Variants in MARCHF1 observed in about 807,000 individuals in gnomAD.
MARCHF1 encodes membrane associated ring-CH-type finger 1.
In MARCHF1, 40 loss-of-function variants were observed where a neutral mutation model predicts 54.2. The observed-to-expected ratio is 0.74, with a 90% CI of 0.57 to 0.96. The LOEUF (loss-of-function observed/expected upper bound fraction) is 0.96. Among genes scored for constraint, MARCHF1 ranks in the 40% least tolerant of loss-of-function variants. MARCHF1 has a pLI of 0.00. For synonymous variants in MARCHF1, 236 were observed against 236.3 expected (o/e 1.00, Z 0.01); for missense variants, 586 against 656.5 (o/e 0.89, Z 1.17).
At chr4:164,269,876 T>C (rs1447356756) in intron 1 of MARCHF1, among the ~76,000 whole-genome samples, 1 of 152,160 alleles carries the variant, frequency 6.6e-6, no homozygotes, top group Admixed American at 6.6e-5. Context: ...TAGCGTTATT[T>C]GTTTGTTCTT....
rs192502095 is a variant in MARCHF1, at chr4:164,330,829, G to A, written c.-323+53041C>T. 4.6e-5 allele frequency among the ~76,000 whole-genome samples: 7 copies of A among 152,268 alleles called. No individual in the cohort carries two copies. The East Asian group carries it at 1.4e-3, about 29-fold the overall frequency. The stretch of plus-strand genomic sequence containing the variant: ...ATTTTACCACATTTTTTGAAACGAA[G>A]CTGTTAACCATTCATGCTACACCTA... On this transcript the variant is annotated intron_variant, in intron 1 of 9. Coordinates refer to ENST00000514618, the MANE Select transcript of MARCHF1 (RefSeq NM_001394959.1).
chr4:164,364,570 C>G (rs1730826330), intron 1 of MARCHF1, among the ~76,000 whole-genome samples: 2 of 151,978 alleles, frequency 1.3e-5, no homozygotes, highest in South Asian at 4.1e-4. Flanking sequence ...TTTGCCACCC[C>G]TTGTTCTGAT....
intron 3 of MARCHF1, among the ~76,000 whole-genome samples, chr4:163,947,049 C>T (rs1752039359): frequency 6.6e-6 from 1 of 151,822 alleles, no homozygotes; most frequent in African/African-American, 2.4e-5. Context: ...GCATATTCAG[C>T]AAATAATGAA....
chr4:164,318,774 C>T (rs750686265), intron 1 of MARCHF1, among the ~76,000 whole-genome samples: 1 of 152,058 alleles, frequency 6.6e-6, no homozygotes, highest in East Asian at 1.9e-4. Flanking sequence ...CAACCCTGAC[C>T]TGGATTATGA....
intron 1 of MARCHF1, among the ~76,000 whole-genome samples, chr4:164,382,147 C>T (rs1731388478): frequency 1.3e-5 from 2 of 152,176 alleles, no homozygotes; most frequent in African/African-American, 2.4e-5. Flanking sequence ...TAAAGCCTCC[C>T]TGTATTATCT....
intron 1 of MARCHF1, among the ~76,000 whole-genome samples, chr4:164,244,270 G>A (rs1476450611): frequency 6.6e-6 from 1 of 151,978 alleles, no homozygotes; most frequent in Non-Finnish European, 1.5e-5. Flanking sequence ...TCAGACCACA[G>A]TGCAATCAAA....
chr4:163,983,134 A>G (rs1322999286), intron 3 of MARCHF1, among the ~76,000 whole-genome samples: 1 of 152,218 alleles, frequency 6.6e-6, no homozygotes, highest in Non-Finnish European at 1.5e-5. Context: ...CCTGCCTGAG[A>G]CAAATATGCA....
chr4:164,275,318 C>T (rs369396792), intron 1 of MARCHF1, among the ~76,000 whole-genome samples: 5 of 152,294 alleles, frequency 3.3e-5, no homozygotes, highest in East Asian at 1.9e-4. Flanking sequence ...TGCTGCTACA[C>T]AGACTACTAC....
chr4:163,654,164 A>G (rs1404598795), intron 5 of MARCHF1, among the ~76,000 whole-genome samples: 1 of 151,714 alleles, frequency 6.6e-6, no homozygotes, highest in Admixed American at 6.6e-5. Flanking sequence ...ATAAACACTA[A>G]TAACTATTTG....
At chr4:164,248,895 T>A (rs917764818) in intron 1 of MARCHF1, among the ~76,000 whole-genome samples, 1 of 147,720 alleles carries the variant, frequency 6.8e-6, no homozygotes, top group Non-Finnish European at 1.5e-5. Flanking sequence ...AATTTCATAA[T>A]TCATTCACAT....
At chr4:163,769,313 G>A (rs1051883363) in intron 4 of MARCHF1, among the ~76,000 whole-genome samples, 1 of 152,110 alleles carries the variant, frequency 6.6e-6, no homozygotes, top group Non-Finnish European at 1.5e-5. Context: ...CAATCACTTA[G>A]CTATATGTAT....
At chr4:163,774,733 T>G (rs1747257408) in intron 4 of MARCHF1, among the ~76,000 whole-genome samples, 1 of 152,118 alleles carries the variant, frequency 6.6e-6, no homozygotes, top group South Asian at 2.1e-4. Flanking sequence ...TGACCTCAAA[T>G]GATTCACCCA....
At chr4:164,133,336 C>T (rs1756339380) in intron 1 of MARCHF1, among the ~76,000 whole-genome samples, 1 of 152,166 alleles carries the variant, frequency 6.6e-6, no homozygotes, top group Non-Finnish European at 1.5e-5. Context: ...TATTACTGCG[C>T]AATGAATCCA....
At chr4:164,042,731 C>A (rs1346609471) in intron 2 of MARCHF1, among the ~76,000 whole-genome samples, 2 of 152,182 alleles carry the variant, frequency 1.3e-5, no homozygotes, top group African/African-American at 4.8e-5. Flanking sequence ...AAAGTCTCAT[C>A]TGAGACAAGG....
chr4:163,904,480 A>C (rs142505144), intron 3 of MARCHF1, among the ~76,000 whole-genome samples: 16 of 152,272 alleles, frequency 1.1e-4, no homozygotes, highest in Non-Finnish European at 2.4e-4. Flanking sequence ...CAGGGACAAC[A>C]AACAGTGGGT....
intron 1 of MARCHF1, among the ~76,000 whole-genome samples, chr4:164,171,317 C>A (rs996792497): frequency 2.2e-4 from 33 of 151,992 alleles, no homozygotes; most frequent in African/African-American, 8.0e-4. Context: ...GTTTCCATTA[C>A]TATAAGTTAC....
At chr4:163,944,946 A>C (rs1451804378) in intron 3 of MARCHF1, among the ~76,000 whole-genome samples, 1 of 152,222 alleles carries the variant, frequency 6.6e-6, no homozygotes, top group African/African-American at 2.4e-5. Context: ...CTAGGACCTA[A>C]GAACTTCAAG....
chr4:164,115,219 T>A (rs139570733), intron 1 of MARCHF1, among the ~76,000 whole-genome samples: 2 of 152,094 alleles, frequency 1.3e-5, no homozygotes, highest in African/African-American at 4.8e-5. Flanking sequence ...CATAAACCAT[T>A]ACTTAAGAAT....
chr4:164,179,763 C>T (rs949011909), intron 1 of MARCHF1, among the ~76,000 whole-genome samples: 4 of 151,612 alleles, frequency 2.6e-5, no homozygotes, highest in East Asian at 1.9e-4. Flanking sequence ...CTGGCAATAT[C>T]TCTTTTTTAA....
Sources: allele counts gnomAD v4.1 joint callset (sites outside exome capture counted in the v4.1 genomes callset), GRCh38; gene constraint gnomAD v4.1.1; transcripts MANE v1.5; gene names NCBI Gene and HGNC (gene_info 2026-07-23, HGNC 2026-07-21).